Variants in NAV3 observed in about 807,000 individuals in gnomAD.
NAV3 encodes pore membrane and/or filament interacting like protein 1.
A neutral mutation model predicts 244.7 loss-of-function variants in NAV3; 87 were observed. That is an observed-to-expected ratio of 0.36 (90% CI 0.30 to 0.42). NAV3 has a LOEUF of 0.42. Ranked by LOEUF, NAV3 falls within the 20% of genes least tolerant of loss-of-function variation. The pLI, the probability that NAV3 is intolerant of heterozygous loss-of-function variation, is 1.00. For synonymous variants in NAV3, 1,126 were observed against 1,042.2 expected (o/e 1.08, Z -1.55); for missense variants, 2,663 against 2,893.3 (o/e 0.92, Z 1.83).
At chr12:77,638,963 C>T (rs186293536) in intron 2 of NAV3, among the ~76,000 whole-genome samples, 55 of 152,154 alleles carry the variant, frequency 3.6e-4, no homozygotes, top group African/African-American at 1.2e-3. Flanking sequence ...CACTCTATTC[C>T]GCAGAGCATG....
At chr12:78,101,637 T>C (rs1203816638) in intron 12 of NAV3, among the ~76,000 whole-genome samples, 1 of 152,130 alleles carries the variant, frequency 6.6e-6, no homozygotes, top group Non-Finnish European at 1.5e-5. Context: ...TGAATAAATC[T>C]TTCTTGAAAT....
At chr12:77,611,130 GT>G (rs1405736044) in intron 2 of NAV3, among the ~76,000 whole-genome samples, 9 of 151,864 alleles carry the variant, frequency 5.9e-5, no homozygotes, top group African/African-American at 1.9e-4. Context: ...GATGAGTTTA[GT>G]TTTATATCTA....
chr12:77,814,876 C>G (rs1309493821), intron 2 of NAV3, among the ~76,000 whole-genome samples: 1 of 152,148 alleles, frequency 6.6e-6, no homozygotes, highest in Non-Finnish European at 1.5e-5. Context: ...TGTGCAGCCC[C>G]AGTTTCAGGA....
chr12:77,850,120 A>G (rs1877288245), intron 1 of NAV3, among the ~76,000 whole-genome samples: 1 of 152,148 alleles, frequency 6.6e-6, no homozygotes, highest in African/African-American at 2.4e-5. Context: ...CAAGACTCAT[A>G]ATATTATGGA....
At chr12:77,964,088 T>C (rs1892306635) in intron 3 of NAV3, among the ~76,000 whole-genome samples, 1 of 150,988 alleles carries the variant, frequency 6.6e-6, no homozygotes, top group South Asian at 2.1e-4. Flanking sequence ...CTTCTTCTTC[T>C]CTTTTGCATT....
chr12:78,146,860 A>G (rs1025133256), intron 21 of NAV3, among the ~76,000 whole-genome samples: 3 of 152,048 alleles, frequency 2.0e-5, no homozygotes, highest in Admixed American at 1.3e-4. Flanking sequence ...GTGGTGTGTC[A>G]CCTATTGTTC....
chr12:78,083,932 C>T (rs1456540772), intron 12 of NAV3, among the ~76,000 whole-genome samples: 1 of 152,164 alleles, frequency 6.6e-6, no homozygotes, highest in Non-Finnish European at 1.5e-5. Context: ...ATTTTTTCTA[C>T]TCCACTGCCC....
At chr12:77,690,006 T>C (rs1727850) in intron 2 of NAV3, among the ~76,000 whole-genome samples, 138,657 of 151,732 alleles carry the variant, frequency 0.91, 63,543 homozygotes, top group East Asian at 1. Context: ...TGGAATGAAA[T>C]GGAATAATTA....
intron 3 of NAV3, among the ~76,000 whole-genome samples, chr12:77,949,714 A>G (rs1890694680): frequency 6.6e-6 from 1 of 152,050 alleles, no homozygotes; most frequent in African/African-American, 2.4e-5. Context: ...ATCACCCAGA[A>G]TCCATGATTC....
intron 2 of NAV3, among the ~76,000 whole-genome samples, chr12:77,652,959 T>A (rs984482464): frequency 6.6e-6 from 1 of 152,236 alleles, no homozygotes; most frequent in African/African-American, 2.4e-5. Flanking sequence ...AAGCTTTTAG[T>A]ATTTTTCAAA....
intron 8 of NAV3, among the ~76,000 whole-genome samples, chr12:78,012,624 C>A (rs1040974820): frequency 2.0e-5 from 3 of 151,968 alleles, no homozygotes; most frequent in Non-Finnish European, 4.4e-5. Flanking sequence ...CATATATGTT[C>A]ATTTATGACT....
chr12:77,728,889 C>A (rs1877001107), intron 2 of NAV3, among the ~76,000 whole-genome samples: 1 of 151,832 alleles, frequency 6.6e-6, no homozygotes, highest in African/African-American at 2.4e-5. Context: ...CCTGAGACAG[C>A]AAGACCAATC....
At chr12:78,180,741 A>G (rs1424749684) in intron 29 of NAV3, 130 bp from the exon 30 acceptor site, 4 of 741,738 alleles carry the variant, frequency 5.4e-6, no homozygotes, top group Admixed American at 3.1e-5. Flanking sequence ...TTCATATCTT[A>G]TATTTCTTTA....
intron 20 of NAV3, 46 bp from the exon 21 acceptor site, chr12:78,146,323 G>A (rs756113908): frequency 1.1e-5 from 9 of 853,178 alleles, no homozygotes; most frequent in Middle Eastern, 7.1e-4. Context: ...GGAATTAATT[G>A]AAAATAGTTT....
intron 1 of NAV3, among the ~76,000 whole-genome samples, chr12:77,881,654 A>G (rs1882662723): frequency 1.3e-5 from 2 of 152,226 alleles, no homozygotes; most frequent in Non-Finnish European, 2.9e-5. Context: ...TTCCCTGACG[A>G]TAAGATTTTC....
chr12:77,597,878 C>T (rs1037385800), intron 2 of NAV3, among the ~76,000 whole-genome samples: 14 of 151,958 alleles, frequency 9.2e-5, no homozygotes, highest in African/African-American at 3.4e-4. Context: ...ATGGTGGAGA[C>T]AGTCTTAAAA....
intron 9 of NAV3, among the ~76,000 whole-genome samples, chr12:78,027,948 T>G (rs555747181): frequency 7.5e-4 from 114 of 152,270 alleles, no homozygotes; most frequent in Non-Finnish European, 8.5e-4. Context: ...GAAGCGTTTT[T>G]TTTTGTTTTG....
intron 1 of NAV3, among the ~76,000 whole-genome samples, chr12:77,893,918 A>G (rs1377424846): frequency 2.0e-5 from 3 of 152,232 alleles, no homozygotes; most frequent in African/African-American, 7.2e-5. Flanking sequence ...ACTTATTCCA[A>G]GAAAACTAAA....
chr12:78,210,553 TA>T lies in NAV3; in HGVS notation c.*43del. ...AAGTTAAGGGAAAAGACTTTGCTTT[TA>T]AAAAAATGTTTCAAAAGAAAGGTAT... On this transcript the variant is annotated 3_prime_UTR_variant, in exon 40 of 40. Coordinates refer to ENST00000397909, the MANE Select transcript of NAV3 (RefSeq NM_001024383.2). The T allele has an allele frequency of 1.3e-6, 2 of 1,598,742 alleles. No homozygotes were observed. The highest frequency in any genetic ancestry group is 1.4e-5 in the African/African-American group (1 of 73,790).
Sources: allele counts gnomAD v4.1 joint callset (sites outside exome capture counted in the v4.1 genomes callset), GRCh38; gene constraint gnomAD v4.1.1; transcripts MANE v1.5; gene names NCBI Gene and HGNC (gene_info 2026-07-23, HGNC 2026-07-21).